PTPRD: variants seen among roughly 807,000 people sequenced by gnomAD.
The protein encoded by PTPRD is protein tyrosine phosphatase receptor type D, also known as receptor-type tyrosine-protein phosphatase delta.
A neutral mutation model predicts 214.5 loss-of-function variants in PTPRD; 34 were observed. That is an observed-to-expected ratio of 0.16 (90% CI 0.12 to 0.21). PTPRD has a LOEUF of 0.21. Among genes scored for constraint, PTPRD ranks in the 10% least tolerant of loss-of-function variants. The pLI, the probability that PTPRD is intolerant of heterozygous loss-of-function variation, is 1.00. For synonymous variants in PTPRD, 1,128 were observed against 845.7 expected, an observed-to-expected ratio of 1.33 and a Z score of -5.79; for missense variants, 2,545 against 2,398.7, an observed-to-expected ratio of 1.06 and a Z score of -1.27.
intron 2 of PTPRD, among the ~76,000 whole-genome samples, chr9:10,346,648 C>A (rs1490844378): frequency 6.6e-6 from 1 of 152,092 alleles, no homozygotes; most frequent in African/African-American, 2.4e-5. Context: ...GGTCAGTGAC[C>A]TCAGATTCGA....
intron 8 of PTPRD, among the ~76,000 whole-genome samples, chr9:9,533,886 A>T (rs985723041): frequency 6.6e-6 from 1 of 152,104 alleles, no homozygotes; most frequent in Non-Finnish European, 1.5e-5. Flanking sequence ...AATTTAAAAT[A>T]TACTTTTCCA....
intron 11 of PTPRD, among the ~76,000 whole-genome samples, chr9:8,866,145 C>T (rs905511622): frequency 1.6e-4 from 24 of 152,108 alleles, no homozygotes; most frequent in African/African-American, 5.8e-4. Flanking sequence ...GCCACATCTC[C>T]AAAATTACTA....
intron 3 of PTPRD, among the ~76,000 whole-genome samples, chr9:10,141,321 G>A (rs891510186): frequency 6.6e-6 from 1 of 152,062 alleles, no homozygotes; most frequent in Admixed American, 6.6e-5. Context: ...GTCCCTTTTT[G>A]CAGACGACAT....
intron 39 of PTPRD, among the ~76,000 whole-genome samples, chr9:8,355,305 C>CAGG (rs2076697660): frequency 6.6e-6 from 1 of 152,168 alleles, no homozygotes; most frequent in South Asian, 2.1e-4. Flanking sequence ...GCTTGCTGTA[C>CAGG]TGCCTGCCAG....
At chr9:8,585,240 A>G (rs1335643216) in intron 14 of PTPRD, among the ~76,000 whole-genome samples, 1 of 152,172 alleles carries the variant, frequency 6.6e-6, no homozygotes, top group Non-Finnish European at 1.5e-5. Context: ...ACAAAGGGAG[A>G]AAAAGGGGAA....
intron 9 of PTPRD, among the ~76,000 whole-genome samples, chr9:9,304,043 C>T (rs1008086634): frequency 6.6e-6 from 1 of 152,144 alleles, no homozygotes; most frequent in Non-Finnish European, 1.5e-5. Context: ...TTAGCTATTG[C>T]TACTAATTTT....
intron 1 of PTPRD, 49 bp downstream of exon 1, chr9:10,612,639 G>T (rs1433906864): frequency 1.3e-5 from 2 of 152,290 alleles, no homozygotes; most frequent in Non-Finnish European, 2.9e-5. Flanking sequence ...AAGAAAGCGC[G>T]CTCGGAAAGC....
chr9:8,370,173 A>G (rs557778954), intron 39 of PTPRD, among the ~76,000 whole-genome samples: 5 of 151,596 alleles, frequency 3.3e-5, no homozygotes, highest in African/African-American at 1.2e-4. Context: ...AAACAATACT[A>G]TATGTCTCTA....
At chr9:9,685,654 C>T (rs1315635673) in intron 7 of PTPRD, among the ~76,000 whole-genome samples, 1 of 151,008 alleles carries the variant, frequency 6.6e-6, no homozygotes, top group African/African-American at 2.4e-5. Context: ...TAGTAGTTAG[C>T]TAAGCTACAG....
intron 3 of PTPRD, among the ~76,000 whole-genome samples, chr9:10,111,548 T>A (rs1591464017): frequency 6.6e-6 from 1 of 152,260 alleles, no homozygotes; most frequent in East Asian, 1.9e-4. Context: ...CCAGTTTAGT[T>A]TCTTATACCA....
chr9:8,437,390 TGAC>T (rs887452481), intron 34 of PTPRD, among the ~76,000 whole-genome samples: 3 of 152,196 alleles, frequency 2.0e-5, no homozygotes, highest in Admixed American at 1.3e-4. Flanking sequence ...TAGTACAATG[TGAC>T]TACTACATTA....
At position 8,616,488 on chromosome 9, in the gene PTPRD, A is replaced by G. The variant is rs1360094677; in HGVS notation, c.352+16829T>C. Among the ~76,000 whole-genome samples, 3 of 152,168 alleles carry G rather than the reference A, an allele frequency of 2.0e-5. No individual in the cohort carries two copies. In the South Asian group the frequency reaches 6.2e-4, roughly 31 times the overall value. On this transcript the variant is annotated intron_variant, in intron 14 of 45. Transcript: ENST00000381196. ...AAAGAAGTATTTCAAAACTGAACAC[A>G]GGGATCCCTTACTTCAGACTCTAGG...
intron 11 of PTPRD, among the ~76,000 whole-genome samples, chr9:8,767,840 T>C (rs1735410742): frequency 6.6e-6 from 1 of 152,178 alleles, no homozygotes; most frequent in Non-Finnish European, 1.5e-5. Flanking sequence ...CCACTCAGTA[T>C]GGTCTCATTT....
At chr9:9,516,956 G>A (rs1007020502) in intron 8 of PTPRD, among the ~76,000 whole-genome samples, 2 of 152,048 alleles carry the variant, frequency 1.3e-5, no homozygotes, top group Non-Finnish European at 2.9e-5. Context: ...ATAAATTTAG[G>A]TGATGGCCCA....
At chr9:9,484,014 A>T (rs1332196) in intron 8 of PTPRD, among the ~76,000 whole-genome samples, 81,252 of 151,578 alleles carry the variant, frequency 0.54, 21,921 homozygotes, top group East Asian at 0.69. Context: ...ACTATCTTCT[A>T]TAGGTGACTC....
intron 9 of PTPRD, among the ~76,000 whole-genome samples, chr9:9,358,230 G>C (rs1175590611): frequency 6.6e-6 from 1 of 151,030 alleles, no homozygotes; most frequent in Non-Finnish European, 1.5e-5. Flanking sequence ...TCTTATTTAG[G>C]TTATATTGCC....
chr9:9,322,305 G>T (rs1021261899), intron 9 of PTPRD, among the ~76,000 whole-genome samples: 3 of 152,120 alleles, frequency 2.0e-5, no homozygotes, highest in Admixed American at 2.0e-4. Flanking sequence ...ATTTGCTATA[G>T]ACCAAGGATT....
At chr9:9,918,108 C>G (rs548395852) in intron 5 of PTPRD, among the ~76,000 whole-genome samples, 1 of 151,914 alleles carries the variant, frequency 6.6e-6, no homozygotes, top group African/African-American at 2.4e-5. Context: ...AGAAAGAAGT[C>G]AAATTATCTG....
At chr9:9,519,447 G>A (rs1007816974) in intron 8 of PTPRD, among the ~76,000 whole-genome samples, 4 of 151,758 alleles carry the variant, frequency 2.6e-5, no homozygotes, top group African/African-American at 9.7e-5. Flanking sequence ...AATCCTGAAA[G>A]CCTAATCAAA....
Sources: gnomAD v4.1 joint callset for allele counts (sites outside exome capture counted in the v4.1 genomes callset) on GRCh38, gnomAD v4.1.1 for gene constraint, MANE v1.5 for transcripts, NCBI Gene and HGNC (gene_info 2026-07-23, HGNC 2026-07-21) for gene names.